The following CACNG7 variants were observed in gnomAD, a reference collection of about 807,000 sequenced individuals.
CACNG7 encodes the protein voltage-dependent calcium channel gamma-7 subunit.
CACNG7 carries 9 observed loss-of-function variants against 26.3 expected under a neutral mutation model. That is an observed-to-expected ratio of 0.34 (90% CI 0.21 to 0.60). The LOEUF is 0.60. Among genes scored for constraint, CACNG7 ranks in the 20% least tolerant of loss-of-function variants. The pLI is 0.81. For missense variants in CACNG7, 297 were observed against 380.4 expected (o/e 0.78, Z 1.82); for synonymous variants, 170 against 157.0 (o/e 1.08, Z -0.62).
chr19:53,942,104 C>A lies in CACNG7; in HGVS notation c.639C>A (p.His213Gln). The stretch of plus-strand genomic sequence containing the variant: ...CGGAGGAGGAGATGTACCGTCCACA[C>A]CCGGCCTTCTACCGCCCGCGTCTCA... ...RYAEEEMYRP[H>Q]PAFYRPRLSD... The change falls in exon 6 of 6, where the codon CAC (histidine) becomes CAA (glutamine). Residue 213 changes from histidine (H) to glutamine (Q), a missense_variant. Transcript: ENST00000391767. The surrounding 1 kb of genome is among the most constrained non-coding windows in gnomAD (Gnocchi z 5.9). The A allele has an allele frequency of 6.2e-7, 1 of 1,614,006 alleles. No homozygotes were observed.
In CACNG7 at chr19:53,912,804, C is replaced by T. The variant is rs756984886; in HGVS notation, c.-28C>T. On this transcript the variant is annotated splice_region_variant and 5_prime_UTR_variant, in exon 2 of 6. Coordinates refer to ENST00000391767, the MANE Select transcript of CACNG7 (RefSeq NM_031896.5). The surrounding 1 kb of genome is among the most constrained non-coding windows in gnomAD (Gnocchi z 4.6). ...TGCACTGTAGCTTCCCTTCCACAGG[C>T]CCCGCAGGGCGCCCCCTGCCTCTGA... is the stretch of plus-strand genomic sequence containing the variant. The T allele has an allele frequency of 1.9e-5, 31 of 1,606,998 alleles. No individual in the cohort carries two copies. The highest frequency in any genetic ancestry group is 2.5e-5 in the Non-Finnish European group (30 of 1,178,768).
At chr19:53,916,726 C>T (rs1476650759) in intron 4 of CACNG7, among the ~76,000 whole-genome samples, 1 of 151,114 alleles carries the variant, frequency 6.6e-6, no homozygotes. Flanking sequence ...TTTCAAACTC[C>T]CGACCGCAGG....
rs1349510513 is a variant in CACNG7 at position 53,940,944 on chromosome 19, C to CCA, written c.425-525_425-524dup. Among the ~76,000 whole-genome samples, 1 of 151,760 alleles carries CCA rather than the reference C, an allele frequency of 6.6e-6. No homozygotes were observed. Among genetic ancestry groups the CCA allele is most frequent in the Non-Finnish European group, 1.5e-5 (1 of 67,928 alleles). On this transcript the variant is annotated intron_variant, in intron 4 of 5. Transcript: ENST00000391767. This position sits in a 1 kb window ranked among gnomAD's most constrained non-coding sequence, Gnocchi z 4.1. The stretch of plus-strand genomic sequence containing the variant: ...GGAGTGGTGGCGGGCGCCTGTAATC[C>CCA]CAGCTACTTGGGAGGCTGAGGCAGG...
chr19:53,915,295 G>C lies in CACNG7; in HGVS notation c.284-70G>C, dbSNP rs113470353. On this transcript the variant is annotated intron_variant, in intron 3 of 5. Coordinates refer to ENST00000391767, the MANE Select transcript of CACNG7 (RefSeq NM_031896.5). ...AAACGCAGAGGTGGTGAGAGCAGAGGTCAAGGAATGGGGAAGTGTCCCACT... is the reference window on the plus strand; with the variant it reads ...AAACGCAGAGGTGGTGAGAGCAGAGCTCAAGGAATGGGGAAGTGTCCCACT... 9.5e-3 allele frequency: 11,587 copies of C among 1,215,050 alleles called. 100 individuals are homozygous for C. The highest frequency in any genetic ancestry group is 0.029 in the Middle Eastern group (149 of 5,062). 75.3% of individuals were successfully genotyped at this position (1,215,050 alleles called of 1,614,324 possible). A position where few individuals can be genotyped will look rare whatever the true frequency, so the allele number is the denominator to read the frequency against.
At chr19:53,914,302 G>GAAAAA (rs2068880878) in intron 2 of CACNG7, among the ~76,000 whole-genome samples, 198 bp from the exon 3 acceptor site, 1 of 141,218 alleles carries the variant, frequency 7.1e-6, no homozygotes, top group African/African-American at 3.0e-5. Context: ...AAAAGAAAAA[G>GAAAAA]AAAAGAAAGA....
At chr19:53,916,311 GTTA>G (rs2068896997) in intron 4 of CACNG7, among the ~76,000 whole-genome samples, 1 of 152,010 alleles carries the variant, frequency 6.6e-6, no homozygotes, top group African/African-American at 2.4e-5. Context: ...CTACCCAGGA[GTTA>G]TTATTAGCAC....
Position 53,942,665 on chromosome 19 carries a change from C to A in CACNG7, c.*372C>A, listed in dbSNP as rs1232450794. ...AAGCGCCCAGCTCCCCAGAGCTCCC[C>A]AACCTCGGACCTCACCGCAGGGGCG... On this transcript the variant is annotated 3_prime_UTR_variant, in exon 6 of 6. Coordinates refer to ENST00000391767, the MANE Select transcript of CACNG7 (RefSeq NM_031896.5). This position sits in a 1 kb window ranked among gnomAD's most constrained non-coding sequence, Gnocchi z 5.9. The A allele has an allele frequency of 1.4e-5, 12 of 881,514 alleles. No individual in the cohort carries two copies. The highest frequency in any genetic ancestry group is 4.7e-4 in the Middle Eastern group (1 of 2,106). 54.6% of individuals were successfully genotyped at this position (881,514 alleles called of 1,614,324 possible). A position where few individuals can be genotyped will look rare whatever the true frequency, so the allele number is the denominator to read the frequency against.
At chr19:53,910,407 A>G (rs2068855459) in intron 1 of CACNG7, among the ~76,000 whole-genome samples, 1 of 148,986 alleles carries the variant, frequency 6.7e-6, no homozygotes. Context: ...TGCGGGGTGG[A>G]GCGGGGAGGA....
At chr19:53,926,378 C>T (rs1001674417) in intron 4 of CACNG7, among the ~76,000 whole-genome samples, 1 of 151,914 alleles carries the variant, frequency 6.6e-6, no homozygotes, top group Admixed American at 6.6e-5. Context: ...CTCAGGACTT[C>T]GTACACTCAT....
At position 53,922,683 on chromosome 19, in the gene CACNG7, G is replaced by C. The variant is rs529208139; in HGVS notation, c.424+7178G>C. 2.2e-4 allele frequency among the ~76,000 whole-genome samples: 16 copies of C among 73,284 alleles called. 1 individual carries two copies. Among genetic ancestry groups the C allele is most frequent in the Middle Eastern group, 7.4e-3 (1 of 136 alleles). The allele number at this position is 73,284 out of a possible 152,430, so 48.1% of individuals were successfully genotyped here. A position where few individuals can be genotyped will look rare whatever the true frequency, so the allele number is the denominator to read the frequency against. On this transcript the variant is annotated intron_variant, in intron 4 of 5. Coordinates refer to ENST00000391767, the MANE Select transcript of CACNG7 (RefSeq NM_031896.5). ...AGTTGTCCCAGGCTGGTCATTGGTG[G>C]AGTTGCCCCAGGTCTGGTCATTGGT...
chr19:53,930,203 C>A (rs1456305363), intron 4 of CACNG7, among the ~76,000 whole-genome samples: 1 of 146,718 alleles, frequency 6.8e-6, no homozygotes, highest in African/African-American at 2.7e-5. Flanking sequence ...TTCCCTCCTA[C>A]CTCACCATTT....
At chr19:53,938,945 CT>C (rs2069121367) in intron 4 of CACNG7, among the ~76,000 whole-genome samples, 2 of 75,804 alleles carry the variant, frequency 2.6e-5, no homozygotes, top group Non-Finnish European at 2.6e-5. Context: ...AAGACCCTGT[CT>C]TCAAAACAAA....
chr19:53,915,387 C>G lies in CACNG7; in HGVS notation c.306C>G (p.Pro102=), dbSNP rs756341554. 6.2e-7 allele frequency: 1 copy of G among 1,614,094 alleles called. No individual in the cohort carries two copies. Among genetic ancestry groups the G allele is most frequent in the Non-Finnish European group, 8.5e-7 (1 of 1,179,970 alleles). Residue 102 remains proline, a synonymous_variant, in exon 4 of 6, where the codon CCC becomes CCG. Coordinates refer to ENST00000391767, the MANE Select transcript of CACNG7 (RefSeq NM_031896.5). Reference sequence around the variant, plus strand: ...CAGAGACAGTGCGCACGGCCACCCCCTTCCCCATGGTCAGCCTCTTCCTCG... The same window carrying G: ...CAGAGACAGTGCGCACGGCCACCCCGTTCCCCATGGTCAGCCTCTTCCTCG... ...NILKTVRTAT[P]FPMVSLFLVF...
intron 4 of CACNG7, among the ~76,000 whole-genome samples, chr19:53,935,937 G>A (rs2069102666): frequency 6.6e-6 from 1 of 151,982 alleles, no homozygotes; most frequent in African/African-American, 2.4e-5. Flanking sequence ...CACCACGCCT[G>A]GCCTAATGCT....
intron 4 of CACNG7, among the ~76,000 whole-genome samples, chr19:53,919,436 T>G (rs1454916392): frequency 6.7e-6 from 1 of 148,276 alleles, no homozygotes; most frequent in East Asian, 2.0e-4. Context: ...CCCAGGCTGG[T>G]CATTGGTGGA....
At chr19:53,924,241 C>T (rs1467579928) in intron 4 of CACNG7, among the ~76,000 whole-genome samples, 3 of 132,912 alleles carry the variant, frequency 2.3e-5, no homozygotes, top group Admixed American at 7.8e-5. Context: ...CAGGTCTGGT[C>T]ATTGGTGGAG....
intron 4 of CACNG7, among the ~76,000 whole-genome samples, chr19:53,921,902 T>C (rs1365027321): frequency 4.2e-5 from 3 of 71,600 alleles, no homozygotes; most frequent in Non-Finnish European, 5.1e-5. Flanking sequence ...GGTGGAGTTG[T>C]CCCCAGGTCT....
At chr19:53,941,641 A>C in intron 5 of CACNG7, 26 bp downstream of exon 5, 2 of 1,603,548 alleles carry the variant, frequency 1.2e-6, no homozygotes, top group South Asian at 1.1e-5. Flanking sequence ...CCTAGACTCT[A>C]GAGTTCTGAA....
chr19:53,923,794 C>G (rs2068991453), intron 4 of CACNG7, among the ~76,000 whole-genome samples: 1 of 121,006 alleles, frequency 8.3e-6, no homozygotes. Flanking sequence ...GCAGTTGCCC[C>G]AGGTCTGGTC....
Sources: gnomAD v4.1 joint callset for allele counts (sites outside exome capture counted in the v4.1 genomes callset) on GRCh38, gnomAD v4.1.1 for gene constraint, Gnocchi (gnomAD v3.1) non-coding constraint, MANE v1.5 for transcripts, NCBI Gene and HGNC (gene_info 2026-07-23, HGNC 2026-07-21) for gene names.